FARS2: variants seen among roughly 807,000 people sequenced by gnomAD.
The protein encoded by FARS2 is phenylalanine--tRNA ligase, mitochondrial.
A neutral mutation model predicts 46.4 loss-of-function variants in FARS2; 40 were observed. The ratio of observed to expected loss-of-function variants is 0.86; its 90% CI spans 0.67 to 1.12. FARS2 has a LOEUF of 1.12. Ranked by LOEUF, FARS2 falls within the 50% of genes most tolerant of loss-of-function variation. The pLI, the probability that FARS2 is intolerant of heterozygous loss-of-function variation, is 0.00. For missense variants in FARS2, 513 were observed against 567.9 expected (o/e 0.90, Z 0.98); for synonymous variants, 234 against 214.9 (o/e 1.09, Z -0.78).
rs575528379 is a variant in FARS2, at chr6:5,431,425, CT to C, written c.904+256del. On this transcript the variant is annotated intron_variant, in intron 4 of 6. Coordinates refer to ENST00000274680, the MANE Select transcript of FARS2 (RefSeq NM_006567.5). The stretch of plus-strand genomic sequence containing the variant: ...TCAGCACTTGGCTGCTGGATTTGTA[CT>C]TTGTGATTTCGTATTTGTTGATACG... 2.3e-4 allele frequency among the ~76,000 whole-genome samples: 35 copies of C among 152,284 alleles called. No individual in the cohort carries two copies. The East Asian group carries it at 2.7e-3, about 12-fold the overall frequency.
chr6:5,666,172 C>T (rs1224538801), intron 6 of FARS2, among the ~76,000 whole-genome samples: 3 of 152,154 alleles, frequency 2.0e-5, no homozygotes, highest in African/African-American at 7.2e-5. Context: ...GTTCTTAGTG[C>T]CAGGAATGAT....
intron 3 of FARS2, among the ~76,000 whole-genome samples, chr6:5,420,793 C>T (rs1007898916): frequency 2.4e-4 from 37 of 152,084 alleles, no homozygotes; most frequent in African/African-American, 6.8e-4. Flanking sequence ...CTTCTGGCAC[C>T]GTCATGGAGC....
At chr6:5,264,702 C>T (rs1359323757) in intron 1 of FARS2, among the ~76,000 whole-genome samples, 5 of 151,872 alleles carry the variant, frequency 3.3e-5, no homozygotes, top group African/African-American at 4.8e-5. Flanking sequence ...CCACCGCGCC[C>T]GGCCCATAAG....
intron 6 of FARS2, among the ~76,000 whole-genome samples, chr6:5,632,454 C>A (rs1226798694): frequency 6.6e-6 from 1 of 151,994 alleles, no homozygotes; most frequent in Admixed American, 6.6e-5. Context: ...GCGGGCAATT[C>A]AGTGATACTT....
intron 5 of FARS2, among the ~76,000 whole-genome samples, chr6:5,610,772 T>G (rs1018802661): frequency 6.6e-6 from 1 of 152,226 alleles, no homozygotes; most frequent in African/African-American, 2.4e-5. Flanking sequence ...AATTCCACAA[T>G]TCTATGGTTG....
intron 5 of FARS2, among the ~76,000 whole-genome samples, chr6:5,562,700 A>C (rs1297604711): frequency 7.0e-6 from 1 of 142,018 alleles, no homozygotes. Context: ...ATTTATACAC[A>C]CACACACACA....
chr6:5,367,622 C>G (rs1304009609), intron 1 of FARS2, among the ~76,000 whole-genome samples: 2 of 151,688 alleles, frequency 1.3e-5, no homozygotes, highest in Non-Finnish European at 2.9e-5. Flanking sequence ...AGGTGACTTT[C>G]AGCTGTAAAG....
chr6:5,534,417 C>T (rs552859032), intron 4 of FARS2, among the ~76,000 whole-genome samples: 1 of 152,300 alleles, frequency 6.6e-6, no homozygotes, highest in Non-Finnish European at 1.5e-5. Flanking sequence ...AAACTCTGTA[C>T]CCATTAAGCA....
chr6:5,286,826 C>T lies in FARS2; in HGVS notation c.-22+25166C>T, dbSNP rs374603606. 5.9e-5 allele frequency among the ~76,000 whole-genome samples: 9 copies of T among 152,266 alleles called. No individual in the cohort carries two copies. In the South Asian group the frequency reaches 1.5e-3, roughly 25 times the overall value. ...ATGTGTGTATGTGTGTGAGAGAGAA[C>T]AGTTTCTATATGTTAAATAATTTCC... On this transcript the variant is annotated intron_variant, in intron 1 of 6. Coordinates refer to ENST00000274680, the MANE Select transcript of FARS2 (RefSeq NM_006567.5).
chr6:5,575,222 G>A (rs993660805), intron 5 of FARS2, among the ~76,000 whole-genome samples: 4 of 152,088 alleles, frequency 2.6e-5, no homozygotes, highest in African/African-American at 7.2e-5. Flanking sequence ...GCACTTAATC[G>A]AAATAAAACA....
chr6:5,767,064 A>AT lies in FARS2; in HGVS notation c.1218-4218dup, dbSNP rs917210975. 4.5e-3 allele frequency among the ~76,000 whole-genome samples: 675 copies of AT among 150,666 alleles called. 7 individuals carry two copies. Among genetic ancestry groups the AT allele is most frequent in the African/African-American group, 0.016 (642 of 40,960 alleles). ...CATTTTGTTAATCCATCCAAAAAAA[A>AT]TTTTTTTTTCAGACTGAGTCTCACT... On this transcript the variant is annotated intron_variant, in intron 6 of 6. Transcript: ENST00000274680.
At chr6:5,601,431 G>C (rs2150634558) in intron 5 of FARS2, among the ~76,000 whole-genome samples, 1 of 150,882 alleles carries the variant, frequency 6.6e-6, no homozygotes, top group Non-Finnish European at 1.5e-5. Flanking sequence ...GCCTGAGGCA[G>C]GAGAATCACT....
At chr6:5,255,196 T>C in the FARS2 span, among the ~76,000 whole-genome samples, 6 of 152,362 alleles carry the variant, frequency 3.9e-5, no homozygotes, top group South Asian at 4.1e-4. Context: ...CGGGGGTCTC[T>C]GAGACCTTTC....
intron 6 of FARS2, among the ~76,000 whole-genome samples, chr6:5,614,405 C>CGTCTTTTTTTTTTTTTTTTTTT (rs1561753252): frequency 1.4e-5 from 2 of 147,428 alleles, no homozygotes; most frequent in African/African-American, 5.2e-5. Context: ...CTGTTTCCTT[C>CGTCTTTTTTTTTTTTTTTTTTT]TTTGTCTTTT....
At chr6:5,329,836 T>G (rs1770670486) in intron 1 of FARS2, among the ~76,000 whole-genome samples, 1 of 152,232 alleles carries the variant, frequency 6.6e-6, no homozygotes, top group South Asian at 2.1e-4. Flanking sequence ...TTTGATGTGT[T>G]CACCAGCCAA....
chr6:5,581,910 C>T (rs1399812175), intron 5 of FARS2, among the ~76,000 whole-genome samples: 6 of 150,576 alleles, frequency 4.0e-5, no homozygotes, highest in Admixed American at 3.3e-4. Flanking sequence ...ATTCCTGATG[C>T]GCTTCTATAA....
At position 5,368,677 on chromosome 6, in the gene FARS2, C is replaced by T; in HGVS notation, c.107C>T (p.Pro36Leu). The T allele has an allele frequency of 3.7e-6, 6 of 1,614,166 alleles. No individual in the cohort carries two copies. The highest frequency in any genetic ancestry group is 5.1e-6 in the Non-Finnish European group (6 of 1,180,026). Residue 36 changes from proline to leucine, a missense_variant, in exon 2 of 7, where the codon CCT (proline) becomes CTT (leucine). Transcript: ENST00000274680. ...GHQHQAWGSR[P>L]PAAECATQRA... is the part of the protein sequence containing the mutation. ...CAGCACCAGGCCTGGGGATCGAGGCCTCCTGCAGCAGAGTGTGCCACCCAA... is the reference window on the plus strand; with the variant it reads ...CAGCACCAGGCCTGGGGATCGAGGCTTCCTGCAGCAGAGTGTGCCACCCAA...
intron 6 of FARS2, among the ~76,000 whole-genome samples, chr6:5,695,846 G>A (rs151195975): frequency 6.6e-6 from 1 of 152,320 alleles, no homozygotes; most frequent in East Asian, 1.9e-4. Flanking sequence ...TAACAAACTA[G>A]TGGGTGGGGA....
At chr6:5,697,316 T>C (rs1758167376) in intron 6 of FARS2, among the ~76,000 whole-genome samples, 1 of 152,226 alleles carries the variant, frequency 6.6e-6, no homozygotes, top group Non-Finnish European at 1.5e-5. Context: ...AACAGACCGA[T>C]GGCTGGAGAA....
Sources: gnomAD v4.1 joint callset for allele counts (sites outside exome capture counted in the v4.1 genomes callset) on GRCh38, gnomAD v4.1.1 for gene constraint, MANE v1.5 for transcripts, NCBI Gene and HGNC (gene_info 2026-07-23, HGNC 2026-07-21) for gene names.